AFG1L: variants seen among roughly 807,000 people sequenced by gnomAD.
AFG1L encodes the protein AFG1-like ATPase.
Under a neutral mutation model 62.2 loss-of-function variants are expected in AFG1L, and 53 were observed. That is an observed-to-expected ratio of 0.85 (90% CI 0.68 to 1.07). The LOEUF (loss-of-function observed/expected upper bound fraction) is 1.07. AFG1L is among the 50% of genes least tolerant of loss of function. The pLI is 0.00. For missense variants in AFG1L, 555 were observed against 590.5 expected (o/e 0.94, Z 0.62); for synonymous variants, 228 against 210.3 (o/e 1.08, Z -0.73).
At chr6:108,308,587 C>T (rs1186462834) in intron 1 of AFG1L, among the ~76,000 whole-genome samples, 2 of 152,074 alleles carry the variant, frequency 1.3e-5, no homozygotes, top group African/African-American at 4.8e-5. Context: ...AAACATAGCT[C>T]ACTGCAGCCT....
chr6:108,326,386 C>T (rs73513966), intron 2 of AFG1L, among the ~76,000 whole-genome samples: 141 of 152,116 alleles, frequency 9.3e-4, no homozygotes, highest in Non-Finnish European at 1.6e-3. Context: ...CTTTCTTTAG[C>T]GTGAGTGGGA....
chr6:108,396,168 C>T lies in AFG1L; in HGVS notation c.749-5828C>T, dbSNP rs544126246. Among the ~76,000 whole-genome samples the T allele has an allele frequency of 3.9e-5, 6 of 151,970 alleles. No homozygotes were observed. The South Asian group carries it at 8.3e-4, about 21-fold the overall frequency. ...TGCTGAGATTACAGGCATGAGCCACCATGCACAACCTATAGAATGACTTTT... is the reference window on the plus strand; with the variant it reads ...TGCTGAGATTACAGGCATGAGCCACTATGCACAACCTATAGAATGACTTTT... On this transcript the variant is annotated intron_variant, in intron 6 of 12. Coordinates refer to ENST00000368977, the MANE Select transcript of AFG1L (RefSeq NM_145315.5).
intron 1 of AFG1L, among the ~76,000 whole-genome samples, chr6:108,298,246 T>C (rs377174057): frequency 6.6e-6 from 1 of 150,958 alleles, no homozygotes; most frequent in African/African-American, 2.4e-5. Context: ...CAGCTCTGCT[T>C]GGAGAGGGGA....
At chr6:108,477,391 C>G in intron 10 of AFG1L, 99 bp downstream of exon 10, 1 of 627,112 alleles carries the variant, frequency 1.6e-6, no homozygotes, top group Non-Finnish European at 2.6e-6. Context: ...ATACCATTCA[C>G]AGAGTCAGAA....
chr6:108,303,093 A>G (rs1777072496), intron 1 of AFG1L, among the ~76,000 whole-genome samples: 1 of 151,802 alleles, frequency 6.6e-6, no homozygotes, highest in African/African-American at 2.4e-5. Context: ...TTGTATTTTT[A>G]GTAGAGATGG....
chr6:108,395,206 A>G lies in AFG1L; in HGVS notation c.749-6790A>G, dbSNP rs77854486. On this transcript the variant is annotated intron_variant, in intron 6 of 12. Transcript: ENST00000368977. Reference sequence around the variant, plus strand: ...GTGATGAATCTTTTCTAAAGAGAATAAATGTTTCCTAATGACCATATTTTA... The same window carrying G: ...GTGATGAATCTTTTCTAAAGAGAATGAATGTTTCCTAATGACCATATTTTA... Among the ~76,000 whole-genome samples, 598 of 152,240 alleles carry G rather than the reference A, an allele frequency of 3.9e-3. 3 individuals are homozygous for G. Among genetic ancestry groups the G allele is most frequent in the African/African-American group, 0.013 (524 of 41,552 alleles).
intron 6 of AFG1L, among the ~76,000 whole-genome samples, chr6:108,378,413 A>G (rs900694975): frequency 6.6e-6 from 1 of 152,022 alleles, no homozygotes; most frequent in Non-Finnish European, 1.5e-5. Context: ...TCCACCTCCC[A>G]GGTTCAAGTG....
At chr6:108,405,852 A>T (rs1248090930) in intron 7 of AFG1L, among the ~76,000 whole-genome samples, 2 of 152,162 alleles carry the variant, frequency 1.3e-5, no homozygotes, top group Non-Finnish European at 2.9e-5. Context: ...TGTCTTTTCT[A>T]GATACTTCAT....
chr6:108,328,671 A>ATT (rs1778154842), intron 2 of AFG1L, among the ~76,000 whole-genome samples: 1 of 151,536 alleles, frequency 6.6e-6, no homozygotes, highest in Non-Finnish European at 1.5e-5. Context: ...CTGGAAATAT[A>ATT]TTCCTTTTAT....
At chr6:108,477,514 C>G (rs1773159728) in intron 10 of AFG1L, among the ~76,000 whole-genome samples, 1 of 152,114 alleles carries the variant, frequency 6.6e-6, no homozygotes, top group Admixed American at 6.5e-5. Context: ...ATTAGAAATG[C>G]AGAGAGAACT....
At chr6:108,498,785 A>G (rs988392189) in intron 10 of AFG1L, among the ~76,000 whole-genome samples, 3 of 151,872 alleles carry the variant, frequency 2.0e-5, no homozygotes, top group African/African-American at 7.3e-5. Flanking sequence ...GACCAGCCTG[A>G]CCAACATGGT....
intron 6 of AFG1L, among the ~76,000 whole-genome samples, chr6:108,384,773 T>G (rs1479043131): frequency 1.3e-5 from 2 of 151,894 alleles, no homozygotes; most frequent in Non-Finnish European, 2.9e-5. Context: ...AAATTTAAAT[T>G]CTAGAACTAT....
chr6:108,482,935 C>G (rs1483487945), intron 10 of AFG1L, among the ~76,000 whole-genome samples: 1 of 152,120 alleles, frequency 6.6e-6, no homozygotes, highest in African/African-American at 2.4e-5. Flanking sequence ...CCCCTTTCCA[C>G]AGTGTACTCG....
chr6:108,330,182 A>AT (rs71015542), intron 2 of AFG1L, among the ~76,000 whole-genome samples: 76,437 of 132,192 alleles, frequency 0.58, 23,514 homozygotes, highest in Non-Finnish European at 0.71. Flanking sequence ...TTCCTTTTTT[A>AT]TTTTTTTTTT....
chr6:108,388,164 G>GT (rs1018807529), intron 6 of AFG1L: 2 of 152,140 alleles, frequency 1.3e-5, no homozygotes, highest in African/African-American at 4.8e-5. Context: ...CCATTAGTTT[G>GT]TACATGGGTT....
chr6:108,305,597 A>C (rs1157389838), intron 1 of AFG1L, among the ~76,000 whole-genome samples: 1 of 151,618 alleles, frequency 6.6e-6, no homozygotes, highest in Non-Finnish European at 1.5e-5. Flanking sequence ...TCTACTTTAT[A>C]ATTTTTTTAG....
At chr6:108,385,159 A>G (rs1160518448) in intron 6 of AFG1L, among the ~76,000 whole-genome samples, 1 of 152,266 alleles carries the variant, frequency 6.6e-6, no homozygotes, top group African/African-American at 2.4e-5. Context: ...CTAGAAAGCA[A>G]CCAGAGAAAA....
intron 12 of AFG1L, 41 bp downstream of exon 12, chr6:108,519,851 CTTAA>C (rs1280167778): frequency 1.5e-6 from 2 of 1,324,026 alleles, no homozygotes; most frequent in East Asian, 4.6e-5. Flanking sequence ...TATAAAACAG[CTTAA>C]TTGTTTTTGG....
At chr6:108,453,837 G>T (rs1772151895) in intron 8 of AFG1L, among the ~76,000 whole-genome samples, 2 of 152,256 alleles carry the variant, frequency 1.3e-5, no homozygotes, top group South Asian at 4.2e-4. Context: ...TTCTGTCCCA[G>T]ACACTGGAAT....
Sources: allele counts gnomAD v4.1 joint callset (sites outside exome capture counted in the v4.1 genomes callset), GRCh38; gene constraint gnomAD v4.1.1; transcripts MANE v1.5; gene names NCBI Gene and HGNC (gene_info 2026-07-23, HGNC 2026-07-21).